CYP2S1: variants seen among roughly 807,000 people sequenced by gnomAD.
The protein encoded by CYP2S1 is cytochrome P450 family 2 subfamily S member 1.
A neutral mutation model predicts 43.5 loss-of-function variants in CYP2S1; 32 were observed. The observed-to-expected ratio is 0.74, with a 90% CI of 0.56 to 0.99. The LOEUF is 0.99. CYP2S1 is among the 50% of genes least tolerant of loss of function. The pLI is 0.00. For synonymous variants in CYP2S1, 283 were observed against 302.9 expected, an observed-to-expected ratio of 0.93 and a Z score of 0.68; for missense variants, 575 against 673.9, an observed-to-expected ratio of 0.85 and a Z score of 1.62.
rs369312682 is a variant in CYP2S1 at position 41,206,481 on chromosome 19, C to G, written c.1508C>G (p.Thr503Ser). The G allele has an allele frequency of 8.9e-5, 143 of 1,614,024 alleles. No homozygotes were observed. The highest frequency in any genetic ancestry group is 1.2e-4 in the Non-Finnish European group (140 of 1,180,036). ...RPTDLHSTTQ[T>S]R ...ACTGACCTTCACTCCACCACGCAGACCAGATGAAGGAAGGCAACTTGGAAG... is the reference window on the plus strand; with the variant it reads ...ACTGACCTTCACTCCACCACGCAGAGCAGATGAAGGAAGGCAACTTGGAAG... The change falls in exon 9 of 9, where the codon ACC becomes AGC. Residue 503 changes from threonine (T) to serine (S), a missense_variant. Thr to Ser is a moderately conservative substitution (Grantham distance 58). This residue lies in a region of CYP2S1 where 222 missense variants were observed against 306.3 expected (regional missense o/e 0.72). Transcript: ENST00000310054.
chr19:41,198,083 T>C lies in CYP2S1; in HGVS notation c.493+155T>C, dbSNP rs568003013. On this transcript the variant is annotated intron_variant, in intron 3 of 8. Transcript: ENST00000310054. This position sits in a 1 kb window ranked among gnomAD's most constrained non-coding sequence, Gnocchi z 4.9. ...CCTGGGGGTTCTGTTCACTGCCACC[T>C]TCTGTCTCTGTCCCACTGTCTCTCC... 2.6e-5 allele frequency among the ~76,000 whole-genome samples: 4 copies of C among 152,266 alleles called. No homozygotes were observed. In the South Asian group the frequency reaches 8.3e-4, roughly 32 times the overall value.
At chr19:41,199,192 G>A (rs1387570795) in intron 5 of CYP2S1, among the ~76,000 whole-genome samples, 1 of 151,938 alleles carries the variant, frequency 6.6e-6, no homozygotes, top group Non-Finnish European at 1.5e-5. Flanking sequence ...CAGGCCCCAT[G>A]CCCAGGGTCC....
intron 1 of CYP2S1, 57 bp from the exon 2 acceptor site, chr19:41,194,487 G>A: frequency 2.7e-6 from 4 of 1,492,290 alleles, no homozygotes; most frequent in East Asian, 2.5e-5. Flanking sequence ...CCATGATGGA[G>A]ACACCTTGGA....
rs1568402475 is a variant in CYP2S1, at chr19:41,205,354, CTTTCTTTCTTTCTTTCTTTCTTTCTT to C, written c.1165-602_1165-577del. On this transcript the variant is annotated intron_variant, in intron 7 of 8. Coordinates refer to ENST00000310054, the MANE Select transcript of CYP2S1 (RefSeq NM_030622.8). The stretch of plus-strand genomic sequence containing the variant: ...TCTTTCTTTCTTTTTTTCTTTCTTT[CTTTCTTTCTTTCTTTCTTTCTTTCTT>C]TCTCTCTCTCTCTTTCTTTCTCTCT... Among the ~76,000 whole-genome samples, 77 of 106,030 alleles carry C rather than the reference CTTTCTTTCTTTCTTTCTTTCTTTCTT, an allele frequency of 7.3e-4. 2 individuals are homozygous for C. Among genetic ancestry groups the C allele is most frequent in the African/African-American group, 3.1e-3 (63 of 20,236 alleles). The allele number at this position is 106,030 out of a possible 152,430, so 69.6% of individuals were successfully genotyped here.
intron 7 of CYP2S1, among the ~76,000 whole-genome samples, chr19:41,205,342 T>TTTTTTTTC (rs1555727534): frequency 3.6e-5 from 4 of 111,656 alleles, no homozygotes; most frequent in Non-Finnish European, 6.9e-5. Context: ...TTCTTTCTTT[T>TTTTTTTTC]TTTCTTTCTT....
Position 41,194,724 on chromosome 19 carries a change from G to C in CYP2S1, c.343+15G>C. 1 of 1,599,580 alleles carries C rather than the reference G, an allele frequency of 6.3e-7. No homozygotes were observed. Among genetic ancestry groups the C allele is most frequent in the Non-Finnish European group, 8.5e-7 (1 of 1,174,984 alleles). On this transcript the variant is annotated intron_variant, in intron 2 of 8. Coordinates refer to ENST00000310054, the MANE Select transcript of CYP2S1 (RefSeq NM_030622.8). ...TGATGGCCATGGTAAGTCAAGGGCTGCTAGGCCCTCCGCTCACAGCCTGCC... is the reference window on the plus strand; with the variant it reads ...TGATGGCCATGGTAAGTCAAGGGCTCCTAGGCCCTCCGCTCACAGCCTGCC...
chr19:41,196,958 G>A (rs565434763), intron 2 of CYP2S1, among the ~76,000 whole-genome samples: 10 of 152,266 alleles, frequency 6.6e-5, no homozygotes, highest in Middle Eastern at 6.8e-3. Flanking sequence ...CACTTTGGGA[G>A]GCTGAGGTGG....
In CYP2S1 at chr19:41,206,841, A is replaced by G. The variant is rs2033588193; in HGVS notation, c.*353A>G. On this transcript the variant is annotated 3_prime_UTR_variant, in exon 9 of 9. Transcript: ENST00000310054. ...AGTCTGGCTGTCACCTTCACAAGCC[A>G]CAGAAACGGCCACACATGTTCACAG... 4 of 494,594 alleles carry G rather than the reference A, an allele frequency of 8.1e-6. No individual in the cohort carries two copies. The highest frequency in any genetic ancestry group is 2.3e-5 in the Admixed American group (1 of 43,614). 30.6% of individuals were successfully genotyped at this position (494,594 alleles called of 1,614,324 possible).
chr19:41,205,410 TTCTTTCTTTCTCTCTC>T (rs1568402605), intron 7 of CYP2S1, among the ~76,000 whole-genome samples: 8 of 128,582 alleles, frequency 6.2e-5, no homozygotes, highest in Non-Finnish European at 8.5e-5. Context: ...CTCTCTTTCT[TTCTTTCTTTCTCTCTC>T]TCTCTCTTTC....
rs200713208 is a variant in CYP2S1 at position 41,205,912 on chromosome 19, A to G, written c.1165-46A>G. On this transcript the variant is annotated intron_variant, in intron 7 of 8. Transcript: ENST00000310054. ...TACTCCACACTCGAGGACCAAATGG[A>G]CTGGGGTGGGAAGGGGTTTATAGTT... is the stretch of plus-strand genomic sequence containing the variant. 46 of 1,597,160 alleles carry G rather than the reference A, an allele frequency of 2.9e-5. No homozygotes were observed. In the African/African-American group the frequency reaches 4.2e-4, roughly 14 times the overall value.
At chr19:41,197,559 G>C (rs2033427742) in intron 2 of CYP2S1, among the ~76,000 whole-genome samples, 1 of 151,974 alleles carries the variant, frequency 6.6e-6, no homozygotes, top group African/African-American at 2.4e-5. Flanking sequence ...AATGAGCCAG[G>C]CATGGTGGCG....
At chr19:41,203,219 AAATAAT>A (rs1350703002) in intron 6 of CYP2S1, among the ~76,000 whole-genome samples, 1 of 151,952 alleles carries the variant, frequency 6.6e-6, no homozygotes, top group Non-Finnish European at 1.5e-5. Context: ...TTGCAAAAAA[AAATAAT>A]AATAATAAAA....
At chr19:41,204,795 A>G (rs113632615) in intron 7 of CYP2S1, among the ~76,000 whole-genome samples, 3,186 of 151,054 alleles carry the variant, frequency 0.021, 109 homozygotes, top group African/African-American at 0.071. Context: ...ATGGGTTTTC[A>G]CCATGTTGGT....
At chr19:41,199,911 G>A (rs1299097579) in intron 5 of CYP2S1, among the ~76,000 whole-genome samples, 7 of 151,058 alleles carry the variant, frequency 4.6e-5, no homozygotes, top group Admixed American at 1.3e-4. Context: ...CTTAGGTTGC[G>A]GTGAGCTGAG....
chr19:41,203,504 T>TA lies in CYP2S1; in HGVS notation c.1032dup (p.Gly345ArgfsTer15). On this transcript the variant is annotated frameshift_variant, in exon 7 of 9. Transcript: ENST00000310054. LOFTEE classifies it high-confidence loss of function. ...CTGGGGGCTGGCCAGGCACCAAGCC[T>TA]AGGGGACCGTACCCGCCTCCCTTAC... 5 of 1,601,962 alleles carry TA rather than the reference T, an allele frequency of 3.1e-6. No homozygotes were observed. Among genetic ancestry groups the TA allele is most frequent in the Non-Finnish European group, 4.3e-6 (5 of 1,172,690 alleles).
intron 3 of CYP2S1, 48 bp downstream of exon 3, chr19:41,197,976 A>G (rs2033436648): frequency 6.4e-7 from 1 of 1,561,334 alleles, no homozygotes; most frequent in Non-Finnish European, 8.7e-7. Flanking sequence ...GTGAAAGGGA[A>G]AACTCTCCTA....
chr19:41,193,540 A>C (rs1325255949), intron 1 of CYP2S1, 99 bp downstream of exon 1: 3 of 1,362,098 alleles, frequency 2.2e-6, no homozygotes, highest in Non-Finnish European at 2.8e-6. Flanking sequence ...CCTAGGGAGG[A>C]GGCAGGGGCA....
chr19:41,203,532 C>T lies in CYP2S1; in HGVS notation c.1059C>T (p.Thr353=), dbSNP rs61736647. 809 of 1,600,172 alleles carry T rather than the reference C, an allele frequency of 5.1e-4. 3 individuals carry two copies. In the African/African-American group the frequency reaches 9.6e-3, roughly 19 times the overall value. ...SLGDRTRLPY[T]DAVLHEAQRL... ...GGGACCGTACCCGCCTCCCTTACAC[C>T]GACGCGGTTCTGCATGAGGCGCAGC... Residue 353 remains threonine (T), a synonymous_variant, in exon 7 of 9, where the codon ACC becomes ACT. Coordinates refer to ENST00000310054, the MANE Select transcript of CYP2S1 (RefSeq NM_030622.8).
intron 1 of CYP2S1, 132 bp downstream of exon 1, chr19:41,193,573 G>C: frequency 7.4e-7 from 1 of 1,351,434 alleles, no homozygotes. Context: ...CAAAGGGGCT[G>C]CTGCTGTCCT....
Sources: allele counts gnomAD v4.1 joint callset (sites outside exome capture counted in the v4.1 genomes callset), GRCh38; gene constraint gnomAD v4.1.1; regional missense constraint gnomAD v4.1.1; non-coding constraint Gnocchi (gnomAD v3.1); transcripts MANE v1.5; gene names NCBI Gene and HGNC (gene_info 2026-07-23, HGNC 2026-07-21).